DMAC2: variants seen among roughly 807,000 people sequenced by gnomAD.
DMAC2 encodes distal membrane-arm assembly complex protein 2.
DMAC2 carries 32 observed loss-of-function variants against 29.6 expected under a neutral mutation model. The observed-to-expected ratio is 1.08, with a 90% CI of 0.81 to 1.45. The LOEUF (loss-of-function observed/expected upper bound fraction) is 1.45. DMAC2 is among the 40% of genes most tolerant of loss of function. The probability of loss-of-function intolerance (pLI) is 0.00; values close to 1 mark genes in which losing one functional copy is unlikely to be tolerated. For missense variants in DMAC2, 319 were observed against 340.0 expected, an observed-to-expected ratio of 0.94 and a Z score of 0.49; for synonymous variants, 133 against 137.4, an observed-to-expected ratio of 0.97 and a Z score of 0.23.
Position 41,433,321 on chromosome 19 carries a change from C to A in DMAC2, c.547G>T (p.Gly183Cys), listed in dbSNP as rs367830809. The A allele has an allele frequency of 1.2e-6, 2 of 1,611,472 alleles. No homozygotes were observed. The highest frequency in any genetic ancestry group is 1.7e-5 in the Admixed American group (1 of 59,988). Reference protein sequence around the residue: ...ADSLQELSLAGCPRISERGLA... With the variant: ...ADSLQELSLACCPRISERGLA... ...CCCCGTTCGGAGATGCGGGGGCAAC[C>A]GGCCAGCGAGAGCTCCTGCAACGAG... The change falls in exon 5 of 6, where the codon GGT becomes TGT. Residue 183 changes from glycine (G) to cysteine (C), a missense_variant. Transcript: ENST00000221943.
chr19:41,432,728 T>TGTGTGC (rs2039613175), intron 5 of DMAC2: 1 of 393,928 alleles, frequency 2.5e-6, no homozygotes, highest in African/African-American at 2.7e-5. Flanking sequence ...TGTGTGTGTG[T>TGTGTGC]GTAGGGAGGT....
At chr19:41,435,376 T>G (rs1485289668) in intron 3 of DMAC2, among the ~76,000 whole-genome samples, 1 of 152,030 alleles carries the variant, frequency 6.6e-6, no homozygotes, top group African/African-American at 2.4e-5. Context: ...TTCTAAGGGA[T>G]TCTCCTGCCT....
At position 41,431,973 on chromosome 19, in the gene DMAC2, A is replaced by G. The variant is rs781803385; in HGVS notation, c.*258T>C. The G allele has an allele frequency of 2.6e-5, 14 of 544,268 alleles. No homozygotes were observed. Among genetic ancestry groups the G allele is most frequent in the Non-Finnish European group, 4.6e-5 (14 of 303,720 alleles). The allele number at this position is 544,268 out of a possible 1,614,324, so 33.7% of individuals were successfully genotyped here. ...TGAGTGTGGCTCTCTGCGGCTACTA[A>G]CAGCCTGAGCCTTTACCTCCCCAGG... On this transcript the variant is annotated 3_prime_UTR_variant, in exon 6 of 6. Coordinates refer to ENST00000221943, the MANE Select transcript of DMAC2 (RefSeq NM_018035.3).
At chr19:41,439,380 C>T (rs2040035179) in intron 1 of DMAC2, 2 of 862,864 alleles carry the variant, frequency 2.3e-6, no homozygotes, top group Non-Finnish European at 3.7e-6. Flanking sequence ...AGATCATGCC[C>T]TTAGAACCTC....
At chr19:41,435,562 G>A (rs1172524845) in intron 3 of DMAC2, among the ~76,000 whole-genome samples, 3 of 150,010 alleles carry the variant, frequency 2.0e-5, no homozygotes, top group East Asian at 2.0e-4. Context: ...GAGCCACCGC[G>A]CCCGGCCTAT....
In DMAC2 at chr19:41,432,566, TGC is replaced by T. The variant is rs113571894; in HGVS notation, c.597-160_597-159del. The T allele has an allele frequency of 1.2e-3, 747 of 629,084 alleles. 2 individuals carry two copies. The highest frequency in any genetic ancestry group is 6.0e-3 in the African/African-American group (252 of 42,250). 39.0% of individuals were successfully genotyped at this position (629,084 alleles called of 1,614,324 possible). ...GTATAGGGAGGTACAGGACAGTGTG[TGC>T]GTGTGTGTGTGTGTGTGTGTATAGG... On this transcript the variant is annotated intron_variant, in intron 5 of 5. Coordinates refer to ENST00000221943, the MANE Select transcript of DMAC2 (RefSeq NM_018035.3).
rs1555771908 is a variant in DMAC2 at position 41,438,403 on chromosome 19, CAGGCG to C, written c.25_29del (p.Arg9GlyfsTer59). 2 of 1,613,566 alleles carry C rather than the reference CAGGCG, an allele frequency of 1.2e-6. No individual in the cohort carries two copies. The highest frequency in any genetic ancestry group is 1.3e-5 in the African/African-American group (1 of 75,056). On this transcript the variant is annotated frameshift_variant, in exon 2 of 6. Transcript: ENST00000221943. LOFTEE classifies it high-confidence loss of function. ...TACGCCCATTCCACATGGGGGCGAC[CAGGCG>C]CAGGGACTGGGGAGGGGGAGAGGAA...
intron 2 of DMAC2, among the ~76,000 whole-genome samples, chr19:41,437,419 C>T (rs772723590): frequency 1.3e-5 from 2 of 151,688 alleles, no homozygotes; most frequent in African/African-American, 4.8e-5. Flanking sequence ...CAAATTTTGG[C>T]GGGGTGTGGT....
intron 5 of DMAC2, chr19:41,433,049 T>A: frequency 1.8e-6 from 1 of 560,594 alleles, no homozygotes; most frequent in Non-Finnish European, 3.1e-6. Context: ...AGCGTCGATA[T>A]CACACAGTTT....
chr19:41,432,005 C>G lies in DMAC2; in HGVS notation c.*226G>C. The G allele has an allele frequency of 1.7e-6, 1 of 591,672 alleles. No individual in the cohort carries two copies. Among genetic ancestry groups the G allele is most frequent in the East Asian group, 2.8e-5 (1 of 35,316 alleles). The allele number at this position is 591,672 out of a possible 1,614,324, so 36.7% of individuals were successfully genotyped here. ...GAGCCTTTACCTCCCCAGGCCTGAA[C>G]AGGGGCATGGAAAGGGCTGCCTGAC... is the stretch of plus-strand genomic sequence containing the variant. On this transcript the variant is annotated 3_prime_UTR_variant, in exon 6 of 6. Coordinates refer to ENST00000221943, the MANE Select transcript of DMAC2 (RefSeq NM_018035.3).
At chr19:41,436,072 C>T (rs186936472) in intron 3 of DMAC2, among the ~76,000 whole-genome samples, 4 of 152,286 alleles carry the variant, frequency 2.6e-5, no homozygotes, top group East Asian at 1.9e-4. Flanking sequence ...GACAGGGTTT[C>T]GCCATTTTGG....
intron 1 of DMAC2, chr19:41,438,845 A>C (rs1030677934): frequency 1.2e-5 from 2 of 161,654 alleles, no homozygotes; most frequent in Non-Finnish European, 2.7e-5. Flanking sequence ...GGGTGCTCTG[A>C]GCAATCCCTA....
intron 3 of DMAC2, among the ~76,000 whole-genome samples, chr19:41,434,984 C>T (rs1386935025): frequency 2.7e-5 from 4 of 147,814 alleles, no homozygotes. Context: ...CTAGCCTGGG[C>T]GACAAGAGCA....
At chr19:41,432,588 TATAGG>T (rs2039583577) in intron 5 of DMAC2, 180 bp from the exon 6 acceptor site, 1 of 591,598 alleles carries the variant, frequency 1.7e-6, no homozygotes. Context: ...TGTGTGTGTG[TATAGG>T]GAGGTAAGCC....
chr19:41,433,501 T>TA, intron 4 of DMAC2, 36 bp downstream of exon 4: 6 of 1,613,594 alleles, frequency 3.7e-6, no homozygotes, highest in Non-Finnish European at 5.1e-6. Context: ...AGGGAAAACA[T>TA]AGAGGCCTGT....
intron 3 of DMAC2, 125 bp from the exon 4 acceptor site, chr19:41,433,798 TAG>T (rs199923780): frequency 7.5e-7 from 1 of 1,337,592 alleles, no homozygotes; most frequent in Non-Finnish European, 1.0e-6. Context: ...AATTCCATCT[TAG>T]AAAAAGACTC....
Position 41,437,914 on chromosome 19 carries a change from C to T in DMAC2, c.215+304G>A, listed in dbSNP as rs531346799. 7.2e-5 allele frequency among the ~76,000 whole-genome samples: 11 copies of T among 152,286 alleles called. No individual in the cohort carries two copies. In the East Asian group the frequency reaches 2.1e-3, roughly 29 times the overall value. ...AATTTGGCCTGAACAACTGGGTGGGCAGCACCAGTGTTTACTGGGATGGGA... is the reference window on the plus strand; with the variant it reads ...AATTTGGCCTGAACAACTGGGTGGGTAGCACCAGTGTTTACTGGGATGGGA... On this transcript the variant is annotated intron_variant, in intron 2 of 5. Transcript: ENST00000221943.
chr19:41,436,526 C>A, intron 2 of DMAC2, 54 bp from the exon 3 acceptor site: 1 of 1,441,378 alleles, frequency 6.9e-7, no homozygotes, highest in East Asian at 2.3e-5. Flanking sequence ...ACAGCCCTCA[C>A]GATGCCCCAG....
chr19:41,436,343 G>C, intron 3 of DMAC2, 49 bp downstream of exon 3: 1 of 1,529,444 alleles, frequency 6.5e-7, no homozygotes, highest in Non-Finnish European at 9.1e-7. Context: ...ATGTTAGAGA[G>C]ATACCCCACC....
Sources: gnomAD v4.1 joint callset for allele counts (sites outside exome capture counted in the v4.1 genomes callset) on GRCh38, gnomAD v4.1.1 for gene constraint, MANE v1.5 for transcripts, NCBI Gene and HGNC (gene_info 2026-07-23, HGNC 2026-07-21) for gene names.